CEP63: variants seen among roughly 807,000 people sequenced by gnomAD.
The protein encoded by CEP63 is centrosomal protein of 63 kDa.
A neutral mutation model predicts 89.1 loss-of-function variants in CEP63; 84 were observed. The ratio of observed to expected loss-of-function variants is 0.94; its 90% CI spans 0.79 to 1.13. CEP63 has a LOEUF of 1.13. Among genes scored for constraint, CEP63 ranks in the 50% most tolerant of loss-of-function variants. The pLI is 0.00. For synonymous variants in CEP63, 267 were observed against 272.5 expected (o/e 0.98, Z 0.20); for missense variants, 838 against 813.3 (o/e 1.03, Z -0.37).
chr3:134,744,285 G>A, the CEP63 span, among the ~76,000 whole-genome samples: 3 of 152,282 alleles, frequency 2.0e-5, no homozygotes, highest in Non-Finnish European at 4.4e-5. Context: ...GCCAGATATA[G>A]CCTTTGGGTT....
intron 2 of CEP63, among the ~76,000 whole-genome samples, chr3:134,495,790 A>G (rs989474626): frequency 2.0e-5 from 3 of 152,176 alleles, no homozygotes; most frequent in African/African-American, 7.2e-5. Flanking sequence ...CCATGAGGTG[A>G]ACTTTTTTAG....
chr3:134,740,755 A>G, the CEP63 span, among the ~76,000 whole-genome samples: 1 of 152,056 alleles, frequency 6.6e-6, no homozygotes, highest in East Asian at 1.9e-4. Context: ...CAAAGCCAAG[A>G]TTTTGTCTTC....
chr3:134,764,096 G>A, the CEP63 span, among the ~76,000 whole-genome samples: 1 of 152,204 alleles, frequency 6.6e-6, no homozygotes, highest in African/African-American at 2.4e-5. Context: ...AGAACTATAG[G>A]CTGTAGCTTG....
At chr3:134,573,492 G>A (rs202015766) in intron 11 of CEP63, among the ~76,000 whole-genome samples, 11 of 152,242 alleles carry the variant, frequency 7.2e-5, no homozygotes, top group East Asian at 5.8e-4. Flanking sequence ...TCCCAGCACC[G>A]TTTGTTGAAT....
chr3:134,628,714 A>G, the CEP63 span, among the ~76,000 whole-genome samples: 1 of 152,152 alleles, frequency 6.6e-6, no homozygotes, highest in Non-Finnish European at 1.5e-5. Flanking sequence ...CTCTCATTTA[A>G]TCTCATAATA....
chr3:134,531,294 C>G (rs78722718), intron 3 of CEP63, among the ~76,000 whole-genome samples: 2,972 of 152,072 alleles, frequency 0.02, 49 homozygotes, highest in Middle Eastern at 0.034. Flanking sequence ...GACAGAGAGA[C>G]ACAGTTTCGG....
chr3:134,665,152 C>G, the CEP63 span, among the ~76,000 whole-genome samples: 6 of 152,218 alleles, frequency 3.9e-5, no homozygotes, highest in African/African-American at 1.4e-4. Context: ...TTCTCCCCAT[C>G]TCCTGATATG....
the CEP63 span, among the ~76,000 whole-genome samples, chr3:134,776,876 C>T: frequency 6.6e-6 from 1 of 152,132 alleles, no homozygotes. Context: ...TTGAAACCAT[C>T]CCAAGATACT....
At chr3:134,647,561 A>G in the CEP63 span, 1 of 958,818 alleles carries the variant, frequency 1.0e-6, no homozygotes, top group Non-Finnish European at 1.7e-6. Context: ...TACCAGTTGC[A>G]GACTTATCTA....
At chr3:134,555,452 A>C (rs1312855118) in intron 12 of CEP63, among the ~76,000 whole-genome samples, 57 of 150,492 alleles carry the variant, frequency 3.8e-4, no homozygotes, top group African/African-American at 1.3e-3. Flanking sequence ...AATGTACAAA[A>C]ATCACAAGCA....
At chr3:134,679,017 T>C in the CEP63 span, among the ~76,000 whole-genome samples, 3 of 152,188 alleles carry the variant, frequency 2.0e-5, no homozygotes, top group East Asian at 5.8e-4. Flanking sequence ...TGGTGATGTA[T>C]AGACCCATTG....
the CEP63 span, among the ~76,000 whole-genome samples, chr3:134,611,004 G>A: frequency 6.6e-6 from 1 of 152,224 alleles, no homozygotes; most frequent in South Asian, 2.1e-4. Flanking sequence ...CCCTGGCCCA[G>A]GGAGGACTGG....
chr3:134,559,320 ACTCT>A lies in CEP63; in HGVS notation c.1847_1850del (p.Ser616TyrfsTer11). ...AGCTCCACCAGGTCTTTGACTTCCT[ACTCT>A]CTATGTAAAACTCATTCTTTGCCTT... On this transcript the variant is annotated frameshift_variant, in exon 14 of 15. Transcript: ENST00000675561. LOFTEE classifies it high-confidence loss of function. 1 of 1,614,006 alleles carries A rather than the reference ACTCT, an allele frequency of 6.2e-7. No individual in the cohort carries two copies. Among genetic ancestry groups the A allele is most frequent in the Non-Finnish European group, 8.5e-7 (1 of 1,179,972 alleles).
chr3:134,547,610 A>ATTTTTTTTTTTTT lies in CEP63; in HGVS notation c.1067+141_1067+142insTTTTTTTTTTTTT, dbSNP rs1553777504. ...GTATCCACAAATGGCCTAAGTTCTT[A>ATTTTTTTTTTTTT]TTTCTTTTTTTTTTTTTTTGAGACG... On this transcript the variant is annotated intron_variant, in intron 9 of 14. Transcript: ENST00000675561. The ATTTTTTTTTTTTT allele has an allele frequency of 1.1e-4, 26 of 227,404 alleles. 2 individuals carry two copies. Among genetic ancestry groups the ATTTTTTTTTTTTT allele is most frequent in the African/African-American group, 2.6e-4 (4 of 15,240 alleles). The allele number at this position is 227,404 out of a possible 1,614,324, so 14.1% of individuals were successfully genotyped here.
the CEP63 span, among the ~76,000 whole-genome samples, chr3:134,679,305 C>T: frequency 2.0e-5 from 3 of 152,090 alleles, no homozygotes; most frequent in African/African-American, 7.2e-5. Flanking sequence ...TGCTCAAGGC[C>T]CCACGGCTCA....
chr3:134,641,839 G>A, the CEP63 span, among the ~76,000 whole-genome samples: 1 of 152,214 alleles, frequency 6.6e-6, no homozygotes, highest in Admixed American at 6.5e-5. Flanking sequence ...TCACTAGGAT[G>A]TCAGCTCCAC....
the CEP63 span, among the ~76,000 whole-genome samples, chr3:134,749,388 G>C: frequency 2.0e-5 from 3 of 152,136 alleles, no homozygotes; most frequent in Non-Finnish European, 4.4e-5. Context: ...GGAGGGACCA[G>C]CTGCAACAGG....
intron 6 of CEP63, among the ~76,000 whole-genome samples, chr3:134,544,595 G>A (rs1952785138): frequency 7.1e-6 from 1 of 141,142 alleles, no homozygotes; most frequent in African/African-American, 2.6e-5. Flanking sequence ...AAATATGAAT[G>A]TTTATAATGT....
chr3:134,726,483 C>CACACAA, the CEP63 span, among the ~76,000 whole-genome samples: 5 of 75,616 alleles, frequency 6.6e-5, no homozygotes, highest in African/African-American at 1.6e-4. Context: ...CACACACACA[C>CACACAA]ACACACACAC....
Sources: gnomAD v4.1 joint callset for allele counts (sites outside exome capture counted in the v4.1 genomes callset) on GRCh38, gnomAD v4.1.1 for gene constraint, MANE v1.5 for transcripts, NCBI Gene and HGNC (gene_info 2026-07-23, HGNC 2026-07-21) for gene names.